The following ANO2 variants were observed in gnomAD, a reference collection of about 807,000 sequenced individuals.
The protein encoded by ANO2 is anoctamin 2, also known as anoctamin-2.
ANO2 carries 101 observed loss-of-function variants against 124.2 expected under a neutral mutation model. The ratio of observed to expected loss-of-function variants is 0.81; its 90% CI spans 0.69 to 0.96. ANO2 has a LOEUF of 0.96. ANO2 is among the 40% of genes least tolerant of loss of function. The probability of loss-of-function intolerance (pLI) is 0.00; values close to 1 mark genes in which losing one functional copy is unlikely to be tolerated. For synonymous variants in ANO2, 486 were observed against 482.5 expected, an observed-to-expected ratio of 1.01 and a Z score of -0.09; for missense variants, 1,293 against 1,274.5, an observed-to-expected ratio of 1.01 and a Z score of -0.22.
rs576499053 is a variant in ANO2 at position 5,744,062 on chromosome 12, A to C, written c.1351+95T>G. ...TTGTGATGGGAAGAAAAAATGCGAA[A>C]GTAAGTAACCTGAAGGGGATGAGCT... On this transcript the variant is annotated intron_variant, in intron 12 of 24. Transcript: ENST00000682330. 4.1e-6 allele frequency: 6 copies of C among 1,481,474 alleles called. No individual in the cohort carries two copies. In the East Asian group the frequency reaches 1.4e-4, roughly 34 times the overall value. The allele number at this position is 1,481,474 out of a possible 1,614,324, so 91.8% of individuals were successfully genotyped here.
chr12:5,579,592 G>A (rs539061030), intron 20 of ANO2, among the ~76,000 whole-genome samples: 12 of 152,280 alleles, frequency 7.9e-5, no homozygotes, highest in African/African-American at 2.6e-4. Context: ...CAGGATGCTA[G>A]AGTCTATCCA....
At chr12:5,883,239 C>T (rs543588985) in intron 3 of ANO2, among the ~76,000 whole-genome samples, 8 of 152,182 alleles carry the variant, frequency 5.3e-5, no homozygotes, top group Non-Finnish European at 8.8e-5. Flanking sequence ...AGCATACACC[C>T]CCTCCATTAG....
intron 6 of ANO2, 43 bp downstream of exon 6, chr12:5,830,392 T>C (rs755664333): frequency 6.3e-7 from 1 of 1,596,872 alleles, no homozygotes; most frequent in South Asian, 1.1e-5. Flanking sequence ...AACTCAGCCC[T>C]TTCCCCATCC....
intron 1 of ANO2, among the ~76,000 whole-genome samples, chr12:5,923,063 C>CACACACACACACACACACAT (rs1941804692): frequency 1.7e-5 from 2 of 121,030 alleles, no homozygotes; most frequent in African/African-American, 6.5e-5. Flanking sequence ...CACCCACATA[C>CACACACACACACACACACAT]ACACACACAT....
At chr12:5,903,271 T>C (rs1023789962) in intron 3 of ANO2, among the ~76,000 whole-genome samples, 10 of 152,108 alleles carry the variant, frequency 6.6e-5, no homozygotes, top group Non-Finnish European at 1.3e-4. Flanking sequence ...GAGGGATCTT[T>C]GGACCTGATA....
intron 1 of ANO2, among the ~76,000 whole-genome samples, chr12:5,923,074 G>GGA: frequency 2.9e-5 from 1 of 33,908 alleles, no homozygotes; most frequent in Admixed American, 3.9e-4. Context: ...ACACACACAT[G>GGA]CACACATACA....
intron 3 of ANO2, among the ~76,000 whole-genome samples, chr12:5,912,386 G>C (rs945800656): frequency 2.0e-5 from 3 of 152,162 alleles, no homozygotes; most frequent in Admixed American, 2.0e-4. Context: ...TTTCCTAGTC[G>C]GTGAGAAGGG....
At chr12:5,927,606 A>T (rs1942143098) in intron 1 of ANO2, among the ~76,000 whole-genome samples, 1 of 152,168 alleles carries the variant, frequency 6.6e-6, no homozygotes, top group Non-Finnish European at 1.5e-5. Context: ...CCATTTCCTC[A>T]TTTAACCTCT....
intron 21 of ANO2, among the ~76,000 whole-genome samples, 164 bp downstream of exon 21, chr12:5,578,202 C>T (rs1314397475): frequency 1.3e-5 from 2 of 152,106 alleles, no homozygotes; most frequent in African/African-American, 4.8e-5. Context: ...GTGGATAAAG[C>T]GGTCTCAGAA....
chr12:5,900,663 C>A lies in ANO2; in HGVS notation c.534+20377G>T, dbSNP rs531432543. Among the ~76,000 whole-genome samples, 2 of 152,118 alleles carry A rather than the reference C, an allele frequency of 1.3e-5. No homozygotes were observed. Among genetic ancestry groups the A allele is most frequent in the Non-Finnish European group, 2.9e-5 (2 of 68,018 alleles). ...CTCCGCATTTAACGTGTGGTCCCTG[C>A]CATCCTGGCACAGCCTGACCACAAT... On this transcript the variant is annotated intron_variant, in intron 3 of 24. Coordinates refer to ENST00000682330, the MANE Select transcript of ANO2 (RefSeq NM_001364791.2). The surrounding 1 kb of genome is among the most constrained non-coding windows in gnomAD (Gnocchi z 4.2).
intron 15 of ANO2, among the ~76,000 whole-genome samples, chr12:5,640,588 A>G (rs1326175598): frequency 1.3e-5 from 2 of 152,238 alleles, no homozygotes; most frequent in African/African-American, 4.8e-5. Flanking sequence ...ACTTCTCAAA[A>G]GAAGACATTT....
intron 14 of ANO2, among the ~76,000 whole-genome samples, chr12:5,657,989 A>G (rs10774352): frequency 0.59 from 90,049 of 152,006 alleles, 28,143 homozygotes; most frequent in East Asian, 0.96. Context: ...GTGAGGTTCA[A>G]GGCCAGCAAT....
intron 20 of ANO2, among the ~76,000 whole-genome samples, chr12:5,580,509 C>T (rs1312867417): frequency 2.0e-5 from 3 of 152,172 alleles, no homozygotes; most frequent in Admixed American, 6.5e-5. Context: ...TTTCAATGGG[C>T]ATCAGCAACC....
At position 5,925,309 on chromosome 12, in the gene ANO2, A is replaced by G. The variant is rs1458973807; in HGVS notation, c.23-2505T>C. Among the ~76,000 whole-genome samples, 4 of 152,128 alleles carry G rather than the reference A, an allele frequency of 2.6e-5. No homozygotes were observed. The highest frequency in any genetic ancestry group is 5.9e-5 in the Non-Finnish European group (4 of 68,020). On this transcript the variant is annotated intron_variant, in intron 1 of 24. Transcript: ENST00000682330. The surrounding 1 kb of genome is among the most constrained non-coding windows in gnomAD (Gnocchi z 4.6). ...ACCATCCCCTAAAGGTGCCACCTGG[A>G]GTTTGAGGCTGACATTCAGGGCCCT... is the stretch of plus-strand genomic sequence containing the variant.
At chr12:5,624,151 C>G (rs1193771172) in intron 16 of ANO2, among the ~76,000 whole-genome samples, 1 of 152,138 alleles carries the variant, frequency 6.6e-6, no homozygotes, top group Non-Finnish European at 1.5e-5. Context: ...ATGAGACCTA[C>G]TGAGCTGGCT....
At chr12:5,933,940 C>G (rs557098125) in intron 1 of ANO2, among the ~76,000 whole-genome samples, 2 of 152,246 alleles carry the variant, frequency 1.3e-5, no homozygotes, top group African/African-American at 4.8e-5. Context: ...GCACAGGACT[C>G]TGGATGCAAT....
intron 4 of ANO2, among the ~76,000 whole-genome samples, chr12:5,844,870 T>TTTGTTTG (rs1954632468): frequency 6.6e-6 from 1 of 151,862 alleles, no homozygotes; most frequent in African/African-American, 2.4e-5. Flanking sequence ...TGTTTGTTTG[T>TTTGTTTG]TTTTACTACA....
intron 14 of ANO2, among the ~76,000 whole-genome samples, chr12:5,720,737 C>T (rs536789944): frequency 6.6e-6 from 1 of 151,738 alleles, no homozygotes; most frequent in Non-Finnish European, 1.5e-5. Context: ...TCTCCTCCCC[C>T]ACTGCTCTCT....
rs757425419 is a variant in ANO2 at position 5,615,207 on chromosome 12, T to C, written c.1907A>G (p.Tyr636Cys). 3.7e-6 allele frequency: 6 copies of C among 1,613,418 alleles called. No individual in the cohort carries two copies. The highest frequency in any genetic ancestry group is 3.3e-5 in the Admixed American group (2 of 59,968). ...KFVNAYSPIF[Y>C]VAFFKGRFVG... Reference sequence around the variant, plus strand: ...TCACCTCCCTTTGAAAAAGGCCACATAGAAGATGGGGGAGTAGGCATTGAC... The same window carrying C: ...TCACCTCCCTTTGAAAAAGGCCACACAGAAGATGGGGGAGTAGGCATTGAC... Residue 636 changes from tyrosine to cysteine, a missense_variant, in exon 17 of 25, where the codon TAT (tyrosine) becomes TGT (cysteine). Tyr to Cys is a radical substitution (Grantham distance 194, BLOSUM62 -2). Transcript: ENST00000682330.
Sources: allele counts gnomAD v4.1 joint callset (sites outside exome capture counted in the v4.1 genomes callset), GRCh38; gene constraint gnomAD v4.1.1; non-coding constraint Gnocchi (gnomAD v3.1); transcripts MANE v1.5; gene names NCBI Gene and HGNC (gene_info 2026-07-23, HGNC 2026-07-21).